The following ZSCAN5A variants were observed in gnomAD, a reference collection of about 807,000 sequenced individuals.
ZSCAN5A encodes zinc finger and SCAN domain-containing protein 5A.
Under a neutral mutation model 23.7 loss-of-function variants are expected in ZSCAN5A, and 12 were observed. The ratio of observed to expected loss-of-function variants is 0.51; its 90% CI spans 0.32 to 0.82. The LOEUF (loss-of-function observed/expected upper bound fraction) is 0.82, where lower values mean the gene tolerates loss of function less well. Ranked by LOEUF, ZSCAN5A falls within the 40% of genes least tolerant of loss-of-function variation. ZSCAN5A has a pLI of 0.03. For missense variants in ZSCAN5A, 597 were observed against 617.9 expected (o/e 0.97, Z 0.36); for synonymous variants, 257 against 239.9 (o/e 1.07, Z -0.66).
chr19:56,346,642 C>G (rs569022288), intron 2 of ZSCAN5A, among the ~76,000 whole-genome samples: 1 of 151,974 alleles, frequency 6.6e-6, no homozygotes, highest in African/African-American at 2.4e-5. Flanking sequence ...GGGGGATAAG[C>G]GGAAGATAAA....
At chr19:56,299,292 C>G (rs902772739) in intron 2 of ZSCAN5A, among the ~76,000 whole-genome samples, 1 of 151,946 alleles carries the variant, frequency 6.6e-6, no homozygotes, top group African/African-American at 2.4e-5. Flanking sequence ...ACACCACACC[C>G]AGCTAATTTA....
rs75630877 is a variant in ZSCAN5A, at chr19:56,222,295, G to T, written c.771C>A (p.Asp257Glu). 49 of 1,612,682 alleles carry T rather than the reference G, an allele frequency of 3.0e-5. No individual in the cohort carries two copies. The highest frequency in any genetic ancestry group is 2.5e-4 in the African/African-American group (19 of 75,018). ...TTTCCACAGAGGCTATTTTTGGGGG[G>T]TCCTTCCCCTCCTTTGCTCTCACCA... is the stretch of plus-strand genomic sequence containing the variant. The part of the protein sequence containing the change: ...TDLVRAKEGK[D>E]PPKIASVENV... The change falls in exon 6 of 6, where the codon GAC (aspartate) becomes GAA (glutamate). Residue 257 changes from aspartate to glutamate, a missense_variant. By Grantham distance (45) the Asp-to-Glu change is conservative. Coordinates refer to ENST00000683990, the MANE Select transcript of ZSCAN5A (RefSeq NM_001322064.3).
At chr19:56,228,180 C>T in intron 2 of ZSCAN5A, 1 of 981,894 alleles carries the variant, frequency 1.0e-6, no homozygotes, top group South Asian at 4.7e-5. Flanking sequence ...AAAAAATAAA[C>T]CCAAACTTTC....
chr19:56,308,915 A>C (rs1399259398), intron 2 of ZSCAN5A, among the ~76,000 whole-genome samples: 3 of 152,220 alleles, frequency 2.0e-5, no homozygotes, highest in Non-Finnish European at 4.4e-5. Context: ...GTGTGCTTTC[A>C]ACCCATTAGG....
chr19:56,327,871 C>T (rs73052176), intron 2 of ZSCAN5A, among the ~76,000 whole-genome samples: 6,899 of 151,892 alleles, frequency 0.045, 158 homozygotes, highest in South Asian at 0.11. Context: ...AGTATCCATA[C>T]GTGTATATAT....
intron 2 of ZSCAN5A, chr19:56,297,359 CTCCTCT>C (rs1568716541): frequency 6.1e-6 from 1 of 163,736 alleles, no homozygotes; most frequent in African/African-American, 2.4e-5. Context: ...TTCTTTTCTC[CTCCTCT>C]TCCTCTTCCT....
intron 2 of ZSCAN5A, chr19:56,343,475 A>C: frequency 2.2e-6 from 1 of 452,554 alleles, no homozygotes; most frequent in Non-Finnish European, 4.4e-6. Context: ...GCTACCAAGA[A>C]GCTTCAGCAA....
intron 2 of ZSCAN5A, among the ~76,000 whole-genome samples, chr19:56,278,070 T>C (rs1036668439): frequency 2.8e-4 from 42 of 152,242 alleles, no homozygotes; most frequent in African/African-American, 9.4e-4. Context: ...AGCTGAATTC[T>C]CATTTCTGCT....
chr19:56,341,322 G>C (rs1488196318), intron 2 of ZSCAN5A: 1 of 152,190 alleles, frequency 6.6e-6, no homozygotes. Context: ...ATGGAACCAA[G>C]TTGGAAAACA....
At chr19:56,336,245 T>G (rs1004330332) in intron 2 of ZSCAN5A, among the ~76,000 whole-genome samples, 1 of 152,230 alleles carries the variant, frequency 6.6e-6, no homozygotes, top group African/African-American at 2.4e-5. Context: ...TTTGGTCTTT[T>G]CAGATAGTCC....
intron 2 of ZSCAN5A, among the ~76,000 whole-genome samples, chr19:56,345,489 T>C (rs34741801): frequency 0.098 from 14,896 of 152,180 alleles, 799 homozygotes; most frequent in Middle Eastern, 0.18. Context: ...GCCTTAAATT[T>C]GCATATTAAA....
At chr19:56,242,261 G>T (rs1057393790) in intron 2 of ZSCAN5A, among the ~76,000 whole-genome samples, 1 of 152,132 alleles carries the variant, frequency 6.6e-6, no homozygotes, top group Non-Finnish European at 1.5e-5. Context: ...TTGTGGTTTG[G>T]ATTTGCATGT....
At chr19:56,247,351 A>G (rs1381041264) in intron 2 of ZSCAN5A, 1 of 234,414 alleles carries the variant, frequency 4.3e-6, no homozygotes, top group Non-Finnish European at 8.7e-6. Flanking sequence ...CTACAGGAAG[A>G]ACCTGAACGA....
chr19:56,343,771 C>A (rs943781425), intron 2 of ZSCAN5A, among the ~76,000 whole-genome samples: 1 of 152,164 alleles, frequency 6.6e-6, no homozygotes, highest in African/African-American at 2.4e-5. Context: ...CTCTTATTTC[C>A]TGGTTCCTTT....
intron 2 of ZSCAN5A, among the ~76,000 whole-genome samples, chr19:56,323,793 C>T: frequency 6.6e-6 from 1 of 151,164 alleles, no homozygotes; most frequent in Non-Finnish European, 1.5e-5. Flanking sequence ...GCCTCAGCCT[C>T]CCAAAGTGCT....
intron 2 of ZSCAN5A, among the ~76,000 whole-genome samples, chr19:56,278,568 A>G (rs1211737338): frequency 2.0e-5 from 3 of 152,236 alleles, no homozygotes; most frequent in African/African-American, 7.2e-5. Context: ...ATACATATAG[A>G]TACATATATA....
intron 1 of ZSCAN5A, among the ~76,000 whole-genome samples, chr19:56,313,932 T>C (rs1187215988): frequency 6.6e-6 from 1 of 152,200 alleles, no homozygotes; most frequent in Non-Finnish European, 1.5e-5. Flanking sequence ...AGGGCAGCAG[T>C]TCTCAGTAGG....
At chr19:56,256,582 T>C (rs1382143509) in intron 2 of ZSCAN5A, among the ~76,000 whole-genome samples, 22 of 152,230 alleles carry the variant, frequency 1.4e-4, no homozygotes, top group Non-Finnish European at 3.2e-4. Context: ...ATATATATTG[T>C]ATATACACAT....
intron 2 of ZSCAN5A, among the ~76,000 whole-genome samples, chr19:56,333,872 T>A (rs891936423): frequency 3.9e-4 from 59 of 151,678 alleles, no homozygotes; most frequent in African/African-American, 1.2e-3. Context: ...TATATATATA[T>A]AAGAATCTTG....
Sources: gnomAD v4.1 joint callset for allele counts (sites outside exome capture counted in the v4.1 genomes callset) on GRCh38, gnomAD v4.1.1 for gene constraint, MANE v1.5 for transcripts, NCBI Gene and HGNC (gene_info 2026-07-23, HGNC 2026-07-21) for gene names.